LRP5: variants seen among roughly 807,000 people sequenced by gnomAD.
LRP5 encodes low-density lipoprotein receptor-related protein 5.
Under a neutral mutation model 154.1 loss-of-function variants are expected in LRP5, and 62 were observed. The ratio of observed to expected loss-of-function variants is 0.40; its 90% CI spans 0.33 to 0.50. The LOEUF (loss-of-function observed/expected upper bound fraction) is 0.50. Among genes scored for constraint, LRP5 ranks in the 20% least tolerant of loss-of-function variants. The pLI is 0.55. For missense variants in LRP5, 1,915 were observed against 2,336.7 expected (o/e 0.82, Z 3.72); for synonymous variants, 966 against 1,011.5 (o/e 0.96, Z 0.85).
At chr11:68,312,866 C>G (rs1260857096) in intron 1 of LRP5, 61 bp downstream of exon 1, 14 of 918,458 alleles carry the variant, frequency 1.5e-5, no homozygotes, top group Non-Finnish European at 1.8e-5. Context: ...CGGGCGGCCC[C>G]GCGGCCAAGT....
chr11:68,402,308 G>A (rs983888673), intron 7 of LRP5, among the ~76,000 whole-genome samples: 4 of 152,140 alleles, frequency 2.6e-5, no homozygotes, highest in Admixed American at 6.5e-5. Flanking sequence ...GTATGCTTCC[G>A]TTGGTTCAGG....
At position 68,425,239 on chromosome 11, in the gene LRP5, A is replaced by G. The variant is rs1425497974; in HGVS notation, c.3374A>G (p.Lys1125Arg). 3 of 1,612,278 alleles carry G rather than the reference A, an allele frequency of 1.9e-6. No individual in the cohort carries two copies. The African/African-American group carries it at 4.0e-5, about 22-fold the overall frequency. ...VALVVDNTLG[K>R]LFWVDADLKR... ...CTGGTGGTGGACAACACACTGGGCA[A>G]GCTGTTCTGGGTGGACGCGGACCTG... The change falls in exon 15 of 23, where the codon AAG becomes AGG. Residue 1125 changes from lysine to arginine, a missense_variant. Lys to Arg is a conservative substitution (Grantham distance 26). Around this residue, in one of 3 missense-constraint regions of LRP5, gnomAD observed 1,094 missense variants for 1,210.1 expected, o/e 0.90. Transcript: ENST00000294304.
intron 4 of LRP5, among the ~76,000 whole-genome samples, chr11:68,364,478 T>G (rs2098629861): frequency 6.6e-6 from 1 of 151,758 alleles, no homozygotes; most frequent in South Asian, 2.1e-4. Flanking sequence ...CACCTTGACT[T>G]CCCAAAGTGC....
intron 5 of LRP5, among the ~76,000 whole-genome samples, chr11:68,373,056 T>TG (rs1167585176): frequency 2.0e-5 from 3 of 150,822 alleles, no homozygotes; most frequent in African/African-American, 7.3e-5. Context: ...GAGGACTGTG[T>TG]GGGGCAGGTT....
In LRP5 at chr11:68,312,801, C is replaced by T; in HGVS notation, c.87C>T (p.Ala29=). The T allele has an allele frequency of 1.9e-6, 2 of 1,075,976 alleles. No homozygotes were observed. Among genetic ancestry groups the T allele is most frequent in the Non-Finnish European group, 1.1e-6 (1 of 884,994 alleles). The allele number at this position is 1,075,976 out of a possible 1,614,324, so 66.7% of individuals were successfully genotyped here. Residue 29 remains alanine, a synonymous_variant, in exon 1 of 23, where the codon GCC becomes GCT. Coordinates refer to ENST00000294304, the MANE Select transcript of LRP5 (RefSeq NM_002335.4). ...LLALCGCPAP[A]AASPLLLFAN... The stretch of plus-strand genomic sequence containing the variant: ...CGCTGTGCGGCTGCCCGGCCCCCGC[C>T]GCGGGTAGGTGGGCGCAGGCCGGCC...
intron 8 of LRP5, among the ~76,000 whole-genome samples, chr11:68,406,045 T>C (rs2098655479): frequency 6.6e-6 from 1 of 152,252 alleles, no homozygotes; most frequent in Non-Finnish European, 1.5e-5. Flanking sequence ...GCAGCCTTGC[T>C]GCACTTTAGT....
intron 5 of LRP5, among the ~76,000 whole-genome samples, chr11:68,380,412 C>T (rs981817911): frequency 7.2e-5 from 11 of 152,164 alleles, no homozygotes; most frequent in African/African-American, 2.7e-4. Context: ...GGAAGGAGAC[C>T]GTGCAGGCCG....
rs1283285494 is a variant in LRP5, at chr11:68,411,703, C to T, written c.2503+83C>T. The T allele has an allele frequency of 1.5e-5, 21 of 1,382,220 alleles. No individual in the cohort carries two copies. The East Asian group carries it at 5.1e-4, about 34-fold the overall frequency. 85.6% of individuals were successfully genotyped at this position (1,382,220 alleles called of 1,614,324 possible). ...ACCTCCCAGCCTCGCCGCACATACC[C>T]TGTGGCCTGCAAGTTCCCCAACCTG... is the stretch of plus-strand genomic sequence containing the variant. On this transcript the variant is annotated intron_variant, in intron 11 of 22. Transcript: ENST00000294304.
Position 68,410,050 on chromosome 11 carries a change from A to C in LRP5, c.2228A>C (p.Glu743Ala). Residue 743 changes from glutamate (E) to alanine (A), a missense_variant, in exon 10 of 23, where the codon GAA becomes GCA. By Grantham distance (107) the Glu-to-Ala change is moderately radical. Around this residue, in one of 3 missense-constraint regions of LRP5, gnomAD observed 773 missense variants for 1,100.9 expected, o/e 0.70. Transcript: ENST00000294304. The part of the protein sequence containing the change: ...YWADTGTNRI[E>A]VARLDGQFRQ... Reference sequence around the variant, plus strand: ...GCCGACACTGGGACCAACAGAATCGAAGTGGCGCGGCTGGACGGGCAGTTC... The same window carrying C: ...GCCGACACTGGGACCAACAGAATCGCAGTGGCGCGGCTGGACGGGCAGTTC... 6.2e-7 allele frequency: 1 copy of C among 1,614,004 alleles called. No individual in the cohort carries two copies. The highest frequency in any genetic ancestry group is 8.5e-7 in the Non-Finnish European group (1 of 1,179,988).
At chr11:68,443,570 TATATA>T (rs2098679608) in intron 21 of LRP5, among the ~76,000 whole-genome samples, 3 of 39,952 alleles carry the variant, frequency 7.5e-5, no homozygotes, top group African/African-American at 3.6e-4. Flanking sequence ...TATATATATA[TATATA>T]TATATATATA....
intron 5 of LRP5, among the ~76,000 whole-genome samples, chr11:68,375,738 TC>T (rs2098636986): frequency 6.6e-6 from 1 of 152,222 alleles, no homozygotes; most frequent in Admixed American, 6.5e-5. Context: ...GCAGTGACTT[TC>T]TTGACTTTGT....
chr11:68,376,690 G>A (rs2098637549), intron 5 of LRP5, among the ~76,000 whole-genome samples: 1 of 152,218 alleles, frequency 6.6e-6, no homozygotes, highest in African/African-American at 2.4e-5. Context: ...CACAGACAGG[G>A]TGTCATGAGC....
intron 6 of LRP5, among the ~76,000 whole-genome samples, chr11:68,387,649 C>G (rs1166309096): frequency 3.3e-5 from 5 of 152,282 alleles, no homozygotes; most frequent in Admixed American, 3.3e-4. Context: ...TTTCTGAGAC[C>G]CGCCCCAGCG....
chr11:68,446,338 G>GA, intron 21 of LRP5, 98 bp from the exon 22 acceptor site: 2 of 883,528 alleles, frequency 2.3e-6, no homozygotes, highest in Non-Finnish European at 3.8e-6. Context: ...AGGGGGGCCA[G>GA]AAGCCCTCTC....
At chr11:68,436,061 C>T (rs1236987718) in intron 18 of LRP5, among the ~76,000 whole-genome samples, 2 of 152,178 alleles carry the variant, frequency 1.3e-5, no homozygotes, top group Admixed American at 6.5e-5. Flanking sequence ...GAGGGGCAGA[C>T]GTTGGAGCCA....
At chr11:68,434,379 TTCATTC>T (rs1565112701) in intron 18 of LRP5, among the ~76,000 whole-genome samples, 12 of 152,070 alleles carry the variant, frequency 7.9e-5, no homozygotes, top group South Asian at 2.1e-4. Flanking sequence ...CATTCATTCA[TTCATTC>T]ATTCATTCAT....
intron 2 of LRP5, among the ~76,000 whole-genome samples, chr11:68,350,747 G>A (rs374540623): frequency 6.6e-6 from 1 of 152,252 alleles, no homozygotes; most frequent in African/African-American, 2.4e-5. Context: ...TCACCTCTTT[G>A]ATCTGTGTGG....
At chr11:68,305,852 C>T in the LRP5 span, among the ~76,000 whole-genome samples, 1 of 152,204 alleles carries the variant, frequency 6.6e-6, no homozygotes, top group South Asian at 2.1e-4. Flanking sequence ...AGATTAGGTA[C>T]TGTATTAGTT....
intron 11 of LRP5, among the ~76,000 whole-genome samples, chr11:68,412,275 CAG>C (rs1175377059): frequency 1.3e-5 from 2 of 152,160 alleles, no homozygotes; most frequent in Non-Finnish European, 2.9e-5. Flanking sequence ...TGGCAGGTGA[CAG>C]GGGCAACTGT....
Sources: gnomAD v4.1 joint callset for allele counts (sites outside exome capture counted in the v4.1 genomes callset) on GRCh38, gnomAD v4.1.1 for gene constraint, gnomAD v4.1.1 regional missense constraint, MANE v1.5 for transcripts, NCBI Gene and HGNC (gene_info 2026-07-23, HGNC 2026-07-21) for gene names.